The following CDK5RAP2 variants were observed in gnomAD, a reference collection of about 807,000 sequenced individuals.
The protein encoded by CDK5RAP2 is CDK5 regulatory subunit associated protein 2.
CDK5RAP2 carries 147 observed loss-of-function variants against 232.9 expected under a neutral mutation model. The ratio of observed to expected loss-of-function variants is 0.63; its 90% confidence interval spans 0.55 to 0.72. The LOEUF (loss-of-function observed/expected upper bound fraction) is 0.72, where lower values mean the gene tolerates loss of function less well. Ranked by LOEUF, CDK5RAP2 falls within the 30% of genes least tolerant of loss-of-function variation. CDK5RAP2 has a pLI of 0.00. For synonymous variants in CDK5RAP2, 833 were observed against 833.7 expected, an observed-to-expected ratio of 1.00 and a Z score of 0.01; for missense variants, 2,195 against 2,231.5, an observed-to-expected ratio of 0.98 and a Z score of 0.33.
chr9:120,455,434 C>T (rs1296654138), intron 20 of CDK5RAP2, among the ~76,000 whole-genome samples: 2 of 150,732 alleles, frequency 1.3e-5, no homozygotes, highest in African/African-American at 4.9e-5. Flanking sequence ...GCCAGGCACA[C>T]ACGTGCTTCA....
intron 5 of CDK5RAP2, among the ~76,000 whole-genome samples, chr9:120,540,542 C>T (rs1270238516): frequency 6.6e-6 from 1 of 152,040 alleles, no homozygotes; most frequent in Non-Finnish European, 1.5e-5. Flanking sequence ...TTTCTTTTCA[C>T]CAATAAAGCT....
chr9:120,515,994 G>A (rs2040319681), intron 12 of CDK5RAP2, among the ~76,000 whole-genome samples: 1 of 152,162 alleles, frequency 6.6e-6, no homozygotes, highest in Admixed American at 6.5e-5. Flanking sequence ...AATACCATTT[G>A]ACCCAGCAAT....
intron 7 of CDK5RAP2, among the ~76,000 whole-genome samples, chr9:120,532,794 G>C (rs2131938677): frequency 6.6e-6 from 1 of 152,256 alleles, no homozygotes; most frequent in Non-Finnish European, 1.5e-5. Flanking sequence ...TCTCCAGTCA[G>C]ACCTATGGGA....
At chr9:120,547,330 G>A (rs1225535855) in intron 4 of CDK5RAP2, among the ~76,000 whole-genome samples, 1 of 152,016 alleles carries the variant, frequency 6.6e-6, no homozygotes, top group Non-Finnish European at 1.5e-5. Flanking sequence ...CAGGCCGGGC[G>A]CAGTGGTTCA....
chr9:120,501,153 G>C (rs1264692816), intron 12 of CDK5RAP2, among the ~76,000 whole-genome samples: 2 of 152,174 alleles, frequency 1.3e-5, no homozygotes, highest in Non-Finnish European at 1.5e-5. Context: ...CTCTTCTCCT[G>C]TGGCTCTCCG....
chr9:120,489,051 G>A (rs1181237249), intron 13 of CDK5RAP2, among the ~76,000 whole-genome samples: 1 of 152,224 alleles, frequency 6.6e-6, no homozygotes, highest in Non-Finnish European at 1.5e-5. Context: ...GCAAATGACT[G>A]TAGGCACCAA....
chr9:120,425,819 G>A (rs2034859245), intron 25 of CDK5RAP2, among the ~76,000 whole-genome samples: 1 of 152,198 alleles, frequency 6.6e-6, no homozygotes, highest in African/African-American at 2.4e-5. Flanking sequence ...AGGTTCCTGT[G>A]CCAGACACTG....
At chr9:120,529,864 T>C in intron 8 of CDK5RAP2, 114 bp downstream of exon 8, 2 of 998,730 alleles carry the variant, frequency 2.0e-6, no homozygotes, top group Non-Finnish European at 3.2e-6. Flanking sequence ...GACAGGGGAC[T>C]CATATTTAGA....
intron 21 of CDK5RAP2, among the ~76,000 whole-genome samples, chr9:120,451,954 T>G (rs549991668): frequency 8.6e-5 from 13 of 150,606 alleles, no homozygotes; most frequent in Middle Eastern, 3.5e-3. Flanking sequence ...CAAATACGGT[T>G]TCCTTCCTTT....
At chr9:120,572,850 C>T (rs1269630338) in intron 1 of CDK5RAP2, among the ~76,000 whole-genome samples, 1 of 152,218 alleles carries the variant, frequency 6.6e-6, no homozygotes, top group African/African-American at 2.4e-5. Flanking sequence ...CGCCTTGAAA[C>T]CTACAGTGCT....
intron 18 of CDK5RAP2, among the ~76,000 whole-genome samples, chr9:120,462,628 A>C (rs746748271): frequency 6.6e-6 from 1 of 152,252 alleles, no homozygotes; most frequent in Non-Finnish European, 1.5e-5. Flanking sequence ...CAAAAACATA[A>C]TGCTGAGTAA....
chr9:120,493,926 C>T (rs1214179444), intron 12 of CDK5RAP2, among the ~76,000 whole-genome samples: 1 of 151,800 alleles, frequency 6.6e-6, no homozygotes, highest in Non-Finnish European at 1.5e-5. Context: ...ACTCTGTCTC[C>T]ATGAAAAATA....
At chr9:120,478,772 C>G (rs1425325903) in intron 14 of CDK5RAP2, among the ~76,000 whole-genome samples, 3 of 151,990 alleles carry the variant, frequency 2.0e-5, no homozygotes, top group Non-Finnish European at 4.4e-5. Context: ...CAGAGCAAGA[C>G]CCTGAAATAA....
At chr9:120,434,113 T>C (rs561235957) in intron 25 of CDK5RAP2, among the ~76,000 whole-genome samples, 1 of 151,978 alleles carries the variant, frequency 6.6e-6, no homozygotes, top group African/African-American at 2.4e-5. Flanking sequence ...CCGAGGAAAA[T>C]AACACAGGGT....
rs1326569806 is a variant in CDK5RAP2 at position 120,471,878 on chromosome 9, A to G, written c.1728T>C (p.Ser576=). The change falls in exon 16 of 38, where the codon AGT becomes AGC. Residue 576 remains serine, a splice_region_variant and synonymous_variant. Transcript: ENST00000349780. The part of the protein sequence containing the change: ...HLVKSLQESD[S]INNLQAELNK... Reference sequence around the variant, plus strand: ...TTAACTCAGCCTGCAGGTTGTTGATACTTGGTAAAACAAGACACCAGAAGT... The same window carrying G: ...TTAACTCAGCCTGCAGGTTGTTGATGCTTGGTAAAACAAGACACCAGAAGT... 6.2e-7 allele frequency: 1 copy of G among 1,614,116 alleles called. No individual in the cohort carries two copies. Among genetic ancestry groups the G allele is most frequent in the East Asian group, 2.2e-5 (1 of 44,878 alleles).
intron 12 of CDK5RAP2, among the ~76,000 whole-genome samples, chr9:120,503,573 C>T (rs2039675356): frequency 6.6e-6 from 1 of 152,196 alleles, no homozygotes; most frequent in African/African-American, 2.4e-5. Context: ...TGAAAACAGA[C>T]AGCCCTAGTC....
In CDK5RAP2 at chr9:120,453,552, G is replaced by A; in HGVS notation, c.2697C>T (p.Ile899=). 1 of 1,614,146 alleles carries A rather than the reference G, an allele frequency of 6.2e-7. No homozygotes were observed. Among genetic ancestry groups the A allele is most frequent in the South Asian group, 1.1e-5 (1 of 91,084 alleles). The change falls in exon 21 of 38, where the codon ATC becomes ATT. Residue 899 remains isoleucine (I), a synonymous_variant. Transcript: ENST00000349780. ...ATREAWEEKP[I]NTALSAEHRP... ...GATGCTCTGCGCTGAGTGCAGTGTT[G>A]ATCGGTTTCTCTTCCCAAGCCTCTC...
chr9:120,536,775 T>C (rs1478235385), intron 6 of CDK5RAP2, among the ~76,000 whole-genome samples: 1 of 152,126 alleles, frequency 6.6e-6, no homozygotes, highest in Non-Finnish European at 1.5e-5. Flanking sequence ...TATTTTTGGT[T>C]TTGAAAAATC....
At position 120,468,011 on chromosome 9, in the gene CDK5RAP2, A is replaced by G; in HGVS notation, c.1969-14T>C. The G allele has an allele frequency of 6.2e-7, 1 of 1,613,714 alleles. No homozygotes were observed. Among genetic ancestry groups the G allele is most frequent in the Non-Finnish European group, 8.5e-7 (1 of 1,179,778 alleles). ...AAGGTCACTGACCTAGGAGGTAAGA[A>G]CAGGGAAAAGGCTGTCTACCCAGCA... On this transcript the variant is annotated splice_polypyrimidine_tract_variant and intron_variant, in intron 17 of 37. Coordinates refer to ENST00000349780, the MANE Select transcript of CDK5RAP2 (RefSeq NM_018249.6).
Sources: allele counts gnomAD v4.1 joint callset (sites outside exome capture counted in the v4.1 genomes callset), GRCh38; gene constraint gnomAD v4.1.1; transcripts MANE v1.5; gene names NCBI Gene and HGNC (gene_info 2026-07-23, HGNC 2026-07-21).